Variants in CPED1 observed in about 807,000 individuals in gnomAD.
CPED1 encodes the protein cadherin like and PC-esterase domain containing 1.
CPED1 carries 114 observed loss-of-function variants against 128.2 expected under a neutral mutation model. The ratio of observed to expected loss-of-function variants is 0.89; its 90% CI spans 0.76 to 1.04. The LOEUF (loss-of-function observed/expected upper bound fraction) is 1.04, where lower values mean the gene tolerates loss of function less well. Among genes scored for constraint, CPED1 ranks in the 50% least tolerant of loss-of-function variants. The pLI is 0.00. For missense variants in CPED1, 1,211 were observed against 1,207.1 expected, an observed-to-expected ratio of 1.00 and a Z score of -0.05; for synonymous variants, 462 against 426.7, an observed-to-expected ratio of 1.08 and a Z score of -1.02.
At chr7:121,275,952 G>T (rs1792322336) in intron 22 of CPED1, among the ~76,000 whole-genome samples, 1 of 148,638 alleles carries the variant, frequency 6.7e-6, no homozygotes. Flanking sequence ...AAAAAAAACT[G>T]AAATAATGAC....
intron 3 of CPED1, among the ~76,000 whole-genome samples, chr7:121,029,789 C>T (rs1792683622): frequency 6.6e-6 from 1 of 152,180 alleles, no homozygotes; most frequent in South Asian, 2.1e-4. Context: ...ATTATCTTGT[C>T]TTGTCACATT....
Position 121,034,247 on chromosome 7 carries a change from CT to C in CPED1, c.434-12622del, listed in dbSNP as rs3067998. On this transcript the variant is annotated intron_variant, in intron 3 of 22. Coordinates refer to ENST00000310396, the MANE Select transcript of CPED1 (RefSeq NM_024913.5). ...ATAGCCAGACATCAAGTTTTTTTTT[CT>C]TTTTTTTTTTTTTTTTTGAGATGGA... Among the ~76,000 whole-genome samples the C allele has an allele frequency of 4.5e-3, 511 of 113,958 alleles. 1 individual carries two copies. The highest frequency in any genetic ancestry group is 0.016 in the African/African-American group (475 of 29,482). 74.8% of individuals were successfully genotyped at this position (113,958 alleles called of 152,430 possible).
chr7:121,208,195 T>C (rs1797563569), intron 16 of CPED1, among the ~76,000 whole-genome samples: 1 of 152,040 alleles, frequency 6.6e-6, no homozygotes, highest in South Asian at 2.1e-4. Context: ...GTATGTAATG[T>C]ACAGCTTAAT....
intron 2 of CPED1, among the ~76,000 whole-genome samples, chr7:121,003,919 C>T (rs1182432585): frequency 6.6e-6 from 1 of 152,178 alleles, no homozygotes; most frequent in Non-Finnish European, 1.5e-5. Context: ...AATGCCCAGA[C>T]ATAAATGTGT....
chr7:121,100,208 A>C (rs1037681274), intron 7 of CPED1, 114 bp downstream of exon 7: 1 of 906,314 alleles, frequency 1.1e-6, no homozygotes, highest in African/African-American at 1.7e-5. Context: ...AACAAGGATC[A>C]CATCTTTTTT....
intron 18 of CPED1, among the ~76,000 whole-genome samples, chr7:121,265,627 AGTG>A (rs1482419219): frequency 6.6e-6 from 1 of 152,056 alleles, no homozygotes; most frequent in Non-Finnish European, 1.5e-5. Context: ...GCATTACACT[AGTG>A]CAGGTTTGAG....
rs1030223751 is a variant in CPED1, at chr7:121,241,347, CAAAAAAAAAAAAAAAAAAAA to C, written c.2174-2836_2174-2817del. Among the ~76,000 whole-genome samples the C allele has an allele frequency of 2.2e-3, 12 of 5,556 alleles. 2 individuals are homozygous for C. The highest frequency in any genetic ancestry group is 0.016 in the East Asian group (4 of 252). 3.6% of individuals were successfully genotyped at this position (5,556 alleles called of 152,430 possible). A position where few individuals can be genotyped will look rare whatever the true frequency, so the allele number is the denominator to read the frequency against. ...TGGGCGACAGAGCGAGACTCCGTCT[CAAAAAAAAAAAAAAAAAAAA>C]AAAAAAAAAAAAAAAAAAGAAATTA... On this transcript the variant is annotated intron_variant, in intron 17 of 22. Transcript: ENST00000310396.
chr7:121,031,993 T>C (rs1201215938), intron 3 of CPED1, among the ~76,000 whole-genome samples: 1 of 152,136 alleles, frequency 6.6e-6, no homozygotes, highest in Admixed American at 6.5e-5. Context: ...ATATCACCTA[T>C]TGATGGTGAG....
intron 2 of CPED1, among the ~76,000 whole-genome samples, chr7:120,994,657 G>GTGTGTTGT (rs148572524): frequency 4.0e-5 from 6 of 149,304 alleles, no homozygotes; most frequent in African/African-American, 1.5e-4. Context: ...GTGTGTGTGT[G>GTGTGTTGT]TGTTGTTGTT....
At chr7:120,995,997 C>T (rs1796397094) in intron 2 of CPED1, among the ~76,000 whole-genome samples, 2 of 150,004 alleles carry the variant, frequency 1.3e-5, no homozygotes, top group South Asian at 4.2e-4. Context: ...TCTTCAATAA[C>T]TCTGGGAGTG....
intron 5 of CPED1, among the ~76,000 whole-genome samples, chr7:121,068,176 A>G (rs1402462233): frequency 6.6e-6 from 1 of 152,064 alleles, no homozygotes; most frequent in Non-Finnish European, 1.5e-5. Context: ...GTTTTAGACA[A>G]GAAGTCCTTG....
chr7:121,124,675 T>A (rs1280662592), intron 8 of CPED1, among the ~76,000 whole-genome samples: 2 of 152,168 alleles, frequency 1.3e-5, no homozygotes, highest in Non-Finnish European at 2.9e-5. Context: ...GCAGACTCAG[T>A]AGTATCTAAA....
intron 5 of CPED1, among the ~76,000 whole-genome samples, chr7:121,066,896 A>G (rs1276944804): frequency 6.6e-6 from 1 of 152,122 alleles, no homozygotes; most frequent in Non-Finnish European, 1.5e-5. Flanking sequence ...TATTACATTG[A>G]ATCCGTGGAA....
At chr7:121,054,691 A>G (rs1793450216) in intron 4 of CPED1, among the ~76,000 whole-genome samples, 2 of 149,936 alleles carry the variant, frequency 1.3e-5, no homozygotes, top group African/African-American at 2.4e-5. Flanking sequence ...ATTTGCATGT[A>G]GTAAAATTCA....
chr7:121,261,086 T>C (rs1363350548), intron 18 of CPED1, among the ~76,000 whole-genome samples: 1 of 152,062 alleles, frequency 6.6e-6, no homozygotes. Context: ...TCCTGGTTAC[T>C]TTTGGTGATG....
At chr7:121,189,799 A>ATATATATATATATATATATATATAT (rs58389973) in intron 16 of CPED1, among the ~76,000 whole-genome samples, 3 of 31,264 alleles carry the variant, frequency 9.6e-5, no homozygotes, top group Admixed American at 7.4e-4. Context: ...TATATATATA[A>ATATATATATATATATATATATATAT]AATTTGTATT....
intron 5 of CPED1, among the ~76,000 whole-genome samples, chr7:121,086,097 A>C (rs562965120): frequency 6.6e-6 from 1 of 152,312 alleles, no homozygotes; most frequent in South Asian, 2.1e-4. Flanking sequence ...TGTCTTCTTC[A>C]GTTCAGTATT....
chr7:121,134,580 G>A (rs1795746018), intron 13 of CPED1, among the ~76,000 whole-genome samples: 1 of 152,078 alleles, frequency 6.6e-6, no homozygotes, highest in Non-Finnish European at 1.5e-5. Flanking sequence ...AGCTGGAAGA[G>A]AGGATTTTGA....
chr7:121,184,651 A>G (rs953490244), intron 16 of CPED1, among the ~76,000 whole-genome samples: 1 of 152,190 alleles, frequency 6.6e-6, no homozygotes, highest in Non-Finnish European at 1.5e-5. Flanking sequence ...ACACTTAACA[A>G]TTGCCTTAAT....
Sources: allele counts gnomAD v4.1 joint callset (sites outside exome capture counted in the v4.1 genomes callset), GRCh38; gene constraint gnomAD v4.1.1; transcripts MANE v1.5; gene names NCBI Gene and HGNC (gene_info 2026-07-23, HGNC 2026-07-21).